Variants in RNASEH1 observed in about 807,000 individuals in gnomAD.
RNASEH1 encodes the protein ribonuclease H type II.
In RNASEH1, 27 loss-of-function variants were observed where a neutral mutation model predicts 34.6. That is an observed-to-expected ratio of 0.78 (90% confidence interval 0.58 to 1.08). The LOEUF (loss-of-function observed/expected upper bound fraction) is 1.08. RNASEH1 is among the 50% of genes least tolerant of loss of function. The pLI, the probability that RNASEH1 is intolerant of heterozygous loss-of-function variation, is 0.00. For missense variants in RNASEH1, 349 were observed against 373.6 expected, an observed-to-expected ratio of 0.93 and a Z score of 0.54; for synonymous variants, 162 against 138.4, an observed-to-expected ratio of 1.17 and a Z score of -1.20.
chr2:3,532,387 C>T, the RNASEH1 span: 4 of 701,428 alleles, frequency 5.7e-6, no homozygotes, highest in African/African-American at 7.0e-5. Flanking sequence ...TCAGAACGTT[C>T]ATTATTTCAG....
chr2:3,552,281 G>C lies in RNASEH1; in HGVS notation c.272C>G (p.Ser91Trp). ...GAGTCGCTTGCTGGCTTTCGCCTCC[G>C]ATTCTTGTCCATGTTGATTTTCATG... Reference protein sequence around the residue: ...EGHENQHGQESEAKASKRLRE... With the variant: ...EGHENQHGQEWEAKASKRLRE... Residue 91 changes from serine to tryptophan, a missense_variant, in exon 3 of 8, where the codon TCG becomes TGG. Around this residue, in one of 2 missense-constraint regions of RNASEH1, gnomAD observed 256 missense variants for 240.7 expected, o/e 1.06. Coordinates refer to ENST00000315212, the MANE Select transcript of RNASEH1 (RefSeq NM_002936.6). 6.2e-7 allele frequency: 1 copy of C among 1,613,652 alleles called. No individual in the cohort carries two copies. Among genetic ancestry groups the C allele is most frequent in the Non-Finnish European group, 8.5e-7 (1 of 1,179,854 alleles).
intron 2 of RNASEH1, among the ~76,000 whole-genome samples, chr2:3,554,221 C>T (rs1181476658): frequency 6.6e-6 from 1 of 152,182 alleles, no homozygotes; most frequent in East Asian, 1.9e-4. Context: ...CACTCATCTC[C>T]AAAACGTTCC....
At position 3,557,991 on chromosome 2, in the gene RNASEH1, G is replaced by A. The variant is rs891000247; in HGVS notation, c.128+142C>T. 1.1e-4 allele frequency: 164 copies of A among 1,488,130 alleles called. 2 individuals are homozygous for A. In the South Asian group the frequency reaches 1.9e-3, roughly 17 times the overall value. 92.2% of individuals were successfully genotyped at this position (1,488,130 alleles called of 1,614,324 possible). A position where few individuals can be genotyped will look rare whatever the true frequency, so the allele number is the denominator to read the frequency against. On this transcript the variant is annotated intron_variant, in intron 1 of 7. Coordinates refer to ENST00000315212, the MANE Select transcript of RNASEH1 (RefSeq NM_002936.6). ...AACCCCGCCGGCCGAGCAGGAAAACGAGGCGGTCCCCCGACCACCCACAGC... is the reference window on the plus strand; with the variant it reads ...AACCCCGCCGGCCGAGCAGGAAAACAAGGCGGTCCCCCGACCACCCACAGC...
chr2:3,532,300 T>C, the RNASEH1 span: 1 of 702,174 alleles, frequency 1.4e-6, no homozygotes, highest in African/African-American at 1.7e-5. Context: ...GATCAGCAGT[T>C]TATAATGATG....
intron 7 of RNASEH1, 67 bp downstream of exon 7, chr2:3,547,864 T>G (rs919725798): frequency 4.8e-6 from 7 of 1,456,838 alleles, no homozygotes; most frequent in African/African-American, 4.2e-5. Context: ...CATAAACCAT[T>G]AATCTCTAGT....
chr2:3,539,605 CCT>C (rs369660358), downstream of RNASEH1, among the ~76,000 whole-genome samples: 581 of 152,190 alleles, frequency 3.8e-3, 5 homozygotes, highest in African/African-American at 8.7e-3. Flanking sequence ...CCATGTTACC[CCT>C]GAGTGTTTAC....
chr2:3,558,306 T>C lies in RNASEH1; in HGVS notation c.-46A>G, dbSNP rs1307857990. On this transcript the variant is annotated 5_prime_UTR_variant, in exon 1 of 8. Coordinates refer to ENST00000315212, the MANE Select transcript of RNASEH1 (RefSeq NM_002936.6). ...AAGCATTTCGACTCCCGGCCCAGCG[T>C]GGGCGCGAGCCGCCGGCGCTCAACA... 10 of 1,485,544 alleles carry C rather than the reference T, an allele frequency of 6.7e-6. No individual in the cohort carries two copies. Among genetic ancestry groups the C allele is most frequent in the African/African-American group, 5.8e-5 (4 of 68,884 alleles). The allele number at this position is 1,485,544 out of a possible 1,614,324, so 92.0% of individuals were successfully genotyped here.
At chr2:3,557,950 GC>G (rs1385716288) in intron 1 of RNASEH1, 182 bp downstream of exon 1, 1 of 1,513,120 alleles carries the variant, frequency 6.6e-7, no homozygotes, top group Non-Finnish European at 8.9e-7. Context: ...CCAGTCCCAG[GC>G]CATGAGCCTC....
At chr2:3,538,570 C>T (rs1668114894), downstream of RNASEH1, among the ~76,000 whole-genome samples, 1 of 152,012 alleles carries the variant, frequency 6.6e-6, no homozygotes, top group African/African-American at 2.4e-5. Flanking sequence ...TTCCTTTTTC[C>T]ACTTAACAGT....
downstream of RNASEH1, among the ~76,000 whole-genome samples, chr2:3,540,957 G>C (rs1204622051): frequency 6.6e-6 from 1 of 152,108 alleles, no homozygotes; most frequent in Non-Finnish European, 1.5e-5. Flanking sequence ...ACAAGGATGT[G>C]GAGTGAACTG....
chr2:3,532,807 C>T, the RNASEH1 span, among the ~76,000 whole-genome samples: 6 of 152,322 alleles, frequency 3.9e-5, no homozygotes, highest in East Asian at 3.9e-4. Context: ...CACCCAACAA[C>T]GCCCTCCATT....
chr2:3,551,612 C>A (rs1413858850), intron 3 of RNASEH1, among the ~76,000 whole-genome samples: 1 of 152,152 alleles, frequency 6.6e-6, no homozygotes, highest in East Asian at 1.9e-4. Flanking sequence ...TTTTTTAATG[C>A]TTATTTCTAC....
chr2:3,543,362 T>C lies in RNASEH1; in HGVS notation c.*2423A>G, dbSNP rs924475394. ...ACTGCTAACTTGTCTAAAGTTTTTC[T>C]TTTAAGACAGGTTTGGAGCAGAAGC... On this transcript the variant is annotated 3_prime_UTR_variant, in exon 8 of 8. Transcript: ENST00000315212. 2.0e-5 allele frequency among the ~76,000 whole-genome samples: 3 copies of C among 152,214 alleles called. No individual in the cohort carries two copies. Among genetic ancestry groups the C allele is most frequent in the African/African-American group, 4.8e-5 (2 of 41,466 alleles).
chr2:3,551,622 C>T (rs1659918669), intron 3 of RNASEH1, among the ~76,000 whole-genome samples: 1 of 152,198 alleles, frequency 6.6e-6, no homozygotes, highest in Admixed American at 6.5e-5. Flanking sequence ...CTTATTTCTA[C>T]TTTCTGCTCA....
At chr2:3,547,540 T>TGGC (rs1558449632) in intron 7 of RNASEH1, among the ~76,000 whole-genome samples, 1 of 150,414 alleles carries the variant, frequency 6.6e-6, no homozygotes, top group African/African-American at 2.5e-5. Context: ...CAGGCTGGAG[T>TGGC]GCAGTGGCGC....
At chr2:3,548,869 G>A (rs1019970176) in intron 5 of RNASEH1, 145 bp from the exon 6 acceptor site, 235 of 753,640 alleles carry the variant, frequency 3.1e-4, no homozygotes, top group Non-Finnish European at 3.7e-4. Flanking sequence ...CAATTCTCCT[G>A]TGTAGACATC....
Position 3,547,816 on chromosome 2 carries a change from T to C in RNASEH1, c.774+115A>G. 4.8e-6 allele frequency: 5 copies of C among 1,031,386 alleles called. No individual in the cohort carries two copies. In the South Asian group the frequency reaches 5.7e-5, roughly 12 times the overall value. The allele number at this position is 1,031,386 out of a possible 1,614,324, so 63.9% of individuals were successfully genotyped here. On this transcript the variant is annotated intron_variant, in intron 7 of 7. Coordinates refer to ENST00000315212, the MANE Select transcript of RNASEH1 (RefSeq NM_002936.6). Reference sequence around the variant, plus strand: ...ATACGTTGTAATATACATTATGATATTAATATCATGGAAATTGTTATGTCA... The same window carrying C: ...ATACGTTGTAATATACATTATGATACTAATATCATGGAAATTGTTATGTCA...
Position 3,552,215 on chromosome 2 carries a change from G to T in RNASEH1, c.338C>A (p.Pro113Gln). ...GCTCGGCTTCATGTGCTTTGCATAC[G>T]GCTCTGCGCTTTCATGTCCATCTCC... ...LDGDGHESAE[P>Q]YAKHMKPSVE... The change falls in exon 3 of 8, where the codon CCG becomes CAG. Residue 113 changes from proline (P) to glutamine (Q), a missense_variant. Physicochemically the swap from Pro to Gln is moderately conservative, Grantham distance 76. This residue lies in a region of RNASEH1 where 256 missense variants were observed against 240.7 expected (regional missense o/e 1.06). Transcript: ENST00000315212. 1 of 1,613,424 alleles carries T rather than the reference G, an allele frequency of 6.2e-7. No homozygotes were observed. The highest frequency in any genetic ancestry group is 8.5e-7 in the Non-Finnish European group (1 of 1,179,994).
At chr2:3,540,908 C>T (rs1372615141), downstream of RNASEH1, among the ~76,000 whole-genome samples, 1 of 152,042 alleles carries the variant, frequency 6.6e-6, no homozygotes, top group Non-Finnish European at 1.5e-5. Context: ...AACCAAAAAA[C>T]TTATGGACAT....
Sources: gnomAD v4.1 joint callset for allele counts (sites outside exome capture counted in the v4.1 genomes callset) on GRCh38, gnomAD v4.1.1 for gene constraint, gnomAD v4.1.1 regional missense constraint, MANE v1.5 for transcripts, NCBI Gene and HGNC (gene_info 2026-07-23, HGNC 2026-07-21) for gene names.